The following ERC1 variants were observed in gnomAD, a reference collection of about 807,000 sequenced individuals.
ERC1 encodes RAB6 interacting protein 2.
Under a neutral mutation model 132.0 loss-of-function variants are expected in ERC1, and 56 were observed. The observed-to-expected ratio is 0.42, with a 90% CI of 0.34 to 0.53. The LOEUF (loss-of-function observed/expected upper bound fraction) is 0.53. Ranked by LOEUF, ERC1 falls within the 20% of genes least tolerant of loss-of-function variation. The pLI, the probability that ERC1 is intolerant of heterozygous loss-of-function variation, is 0.03. For synonymous variants in ERC1, 478 were observed against 476.1 expected, an observed-to-expected ratio of 1.00 and a Z score of -0.05; for missense variants, 1,202 against 1,349.9, an observed-to-expected ratio of 0.89 and a Z score of 1.72.
chr12:1,203,178 C>T (rs1423167807), intron 12 of ERC1, among the ~76,000 whole-genome samples: 1 of 152,218 alleles, frequency 6.6e-6, no homozygotes, highest in Non-Finnish European at 1.5e-5. Flanking sequence ...GTGCCTCAGC[C>T]TCCTGAGTAC....
chr12:1,419,559 T>G (rs1218549844), intron 17 of ERC1, among the ~76,000 whole-genome samples: 2 of 151,330 alleles, frequency 1.3e-5, no homozygotes, highest in Admixed American at 6.6e-5. Context: ...ACATTTAAAT[T>G]TATTTTTCCC....
Position 1,023,700 on chromosome 12 carries a change from C to G in ERC1, c.-156-4048C>G, listed in dbSNP as rs540982135. Among the ~76,000 whole-genome samples the G allele has an allele frequency of 1.7e-3, 266 of 152,040 alleles. 2 individuals are homozygous for G. Among genetic ancestry groups the G allele is most frequent in the Non-Finnish European group, 2.3e-3 (155 of 67,994 alleles). On this transcript the variant is annotated intron_variant, in intron 1 of 18. Coordinates refer to ENST00000360905, the MANE Select transcript of ERC1 (RefSeq NM_178040.4). The stretch of plus-strand genomic sequence containing the variant: ...GTGAGAATAACATAGGGATGAAGAT[C>G]AGAAACATTTAAGGGAGGAACGAAC...
intron 3 of ERC1, among the ~76,000 whole-genome samples, chr12:1,097,026 CTTTGT>C (rs1944123715): frequency 6.6e-6 from 1 of 152,148 alleles, no homozygotes; most frequent in Non-Finnish European, 1.5e-5. Context: ...AGAATTATGT[CTTTGT>C]TTTGTCTGTT....
At chr12:1,411,269 T>C (rs1163338346) in intron 17 of ERC1, among the ~76,000 whole-genome samples, 1 of 152,180 alleles carries the variant, frequency 6.6e-6, no homozygotes, top group African/African-American at 2.4e-5. Context: ...AAAGTAATAA[T>C]TATGATTAAT....
chr12:1,210,133 C>T (rs1957730236), intron 12 of ERC1, among the ~76,000 whole-genome samples: 1 of 152,204 alleles, frequency 6.6e-6, no homozygotes, highest in Non-Finnish European at 1.5e-5. Context: ...AGAAAAGAGT[C>T]ACAAACTTCA....
At chr12:1,474,868 G>A (rs1236623101) in intron 18 of ERC1, among the ~76,000 whole-genome samples, 1 of 152,192 alleles carries the variant, frequency 6.6e-6, no homozygotes, top group African/African-American at 2.4e-5. Context: ...TCCCTGCACA[G>A]TGGTAGGGTG....
chr12:1,319,310 G>A (rs1411102488), intron 15 of ERC1, among the ~76,000 whole-genome samples: 5 of 151,786 alleles, frequency 3.3e-5, no homozygotes, highest in Non-Finnish European at 4.4e-5. Flanking sequence ...TTTTATATTC[G>A]CTTTAAGGAT....
chr12:1,133,131 T>C (rs1948928693), intron 7 of ERC1, among the ~76,000 whole-genome samples: 1 of 150,706 alleles, frequency 6.6e-6, no homozygotes, highest in Non-Finnish European at 1.5e-5. Flanking sequence ...GTGCTGGGAT[T>C]ACAGGTGTGA....
Position 1,110,147 on chromosome 12 carries a change from G to T in ERC1, c.1162-45G>T, listed in dbSNP as rs151181682. On this transcript the variant is annotated intron_variant, in intron 4 of 18. Transcript: ENST00000360905. Reference sequence around the variant, plus strand: ...AATATCATGTTATTCAGCTTTTCTGGGTTTTTGTGAATACTTCAATCACTA... The same window carrying T: ...AATATCATGTTATTCAGCTTTTCTGTGTTTTTGTGAATACTTCAATCACTA... 2.4e-4 allele frequency: 355 copies of T among 1,500,238 alleles called. 2 individuals carry two copies. The East Asian group carries it at 8.0e-3, about 34-fold the overall frequency. The allele number at this position is 1,500,238 out of a possible 1,614,324, so 92.9% of individuals were successfully genotyped here.
At chr12:1,172,720 T>A (rs561659363) in intron 8 of ERC1, among the ~76,000 whole-genome samples, 1 of 151,968 alleles carries the variant, frequency 6.6e-6, no homozygotes. Context: ...AAAAAACCCA[T>A]GGGATTATAA....
chr12:1,377,029 A>G (rs1351215412), intron 16 of ERC1, among the ~76,000 whole-genome samples: 2 of 152,290 alleles, frequency 1.3e-5, no homozygotes, highest in East Asian at 3.9e-4. Context: ...GCATTTTCAT[A>G]CAGTAGTTTT....
At chr12:1,254,655 C>A (rs7980582) in intron 13 of ERC1, among the ~76,000 whole-genome samples, 64,245 of 151,820 alleles carry the variant, frequency 0.42, 15,283 homozygotes, top group African/African-American at 0.64. Flanking sequence ...CTGGGATTAC[C>A]GGTGTGCATC....
intron 8 of ERC1, among the ~76,000 whole-genome samples, chr12:1,143,454 G>A (rs759951602): frequency 2.7e-5 from 4 of 150,814 alleles, no homozygotes; most frequent in Non-Finnish European, 5.9e-5. Context: ...TTGTATTTTA[G>A]AATATTTCTT....
At chr12:1,342,478 A>C (rs1291277887) in intron 15 of ERC1, among the ~76,000 whole-genome samples, 2 of 151,710 alleles carry the variant, frequency 1.3e-5, no homozygotes, top group Admixed American at 6.6e-5. Flanking sequence ...CAAAAAAAAA[A>C]AAAACAAAAA....
At chr12:1,265,461 A>T (rs994851048) in intron 14 of ERC1, among the ~76,000 whole-genome samples, 1 of 152,124 alleles carries the variant, frequency 6.6e-6, no homozygotes, top group Non-Finnish European at 1.5e-5. Context: ...AATTGAGCAG[A>T]AAGTGCAAAG....
chr12:1,224,920 A>C (rs2074433827), intron 12 of ERC1, among the ~76,000 whole-genome samples: 1 of 151,776 alleles, frequency 6.6e-6, no homozygotes. Flanking sequence ...GAGCCTGGGA[A>C]ATGAGCTATG....
chr12:1,109,480 T>A (rs1945619170), intron 4 of ERC1, among the ~76,000 whole-genome samples: 2 of 152,132 alleles, frequency 1.3e-5, no homozygotes, highest in Admixed American at 6.5e-5. Flanking sequence ...GCATAATATG[T>A]TTTTTAGGGG....
chr12:1,167,181 T>C (rs773283866), intron 8 of ERC1, among the ~76,000 whole-genome samples: 2 of 152,248 alleles, frequency 1.3e-5, no homozygotes, highest in African/African-American at 2.4e-5. Context: ...TCTTAGTTGT[T>C]TCTCAGGAGA....
intron 14 of ERC1, among the ~76,000 whole-genome samples, chr12:1,265,041 C>T (rs554189566): frequency 1.3e-5 from 2 of 152,210 alleles, no homozygotes; most frequent in Admixed American, 1.3e-4. Context: ...CTTTCAGTGC[C>T]CTGTTCCTAG....
Sources: gnomAD v4.1 joint callset for allele counts (sites outside exome capture counted in the v4.1 genomes callset) on GRCh38, gnomAD v4.1.1 for gene constraint, MANE v1.5 for transcripts, NCBI Gene and HGNC (gene_info 2026-07-23, HGNC 2026-07-21) for gene names.